Variants in MAP3K19 observed in about 807,000 individuals in gnomAD.
MAP3K19 encodes SPS1/STE20-related protein kinase YSK4.
In MAP3K19, 91 loss-of-function variants were observed where a neutral mutation model predicts 114.4. The observed-to-expected ratio is 0.80, with a 90% CI of 0.67 to 0.95. The LOEUF is 0.95. MAP3K19 is among the 40% of genes least tolerant of loss of function. The probability of loss-of-function intolerance (pLI) is 0.00; values close to 1 mark genes in which losing one functional copy is unlikely to be tolerated. For missense variants in MAP3K19, 1,471 were observed against 1,573.2 expected (o/e 0.94, Z 1.10); for synonymous variants, 518 against 530.5 (o/e 0.98, Z 0.32).
rs6719844 is a variant in MAP3K19, at chr2:134,984,755, C to A, written c.3073-930G>T. On this transcript the variant is annotated intron_variant, in intron 10 of 12. Transcript: ENST00000392915. ...ATCGCGAGGTCAGGAGTTCCAAGAC[C>A]AGCCTGGCCAAGATGGTGAAATCCC... 4.3e-3 allele frequency among the ~76,000 whole-genome samples: 656 copies of A among 152,256 alleles called. 19 individuals are homozygous for A. Among genetic ancestry groups the A allele is most frequent in the Admixed American group, 0.04 (612 of 15,302 alleles).
chr2:135,046,460 G>A (rs1214140040), intron 1 of MAP3K19, among the ~76,000 whole-genome samples: 3 of 152,098 alleles, frequency 2.0e-5, no homozygotes, highest in Non-Finnish European at 4.4e-5. Context: ...TATTTTAGTA[G>A]AGACAGGGTT....
chr2:134,976,747 TA>T (rs10717366), intron 12 of MAP3K19, among the ~76,000 whole-genome samples: 38,191 of 143,448 alleles, frequency 0.27, 5,224 homozygotes, highest in Middle Eastern at 0.6. Flanking sequence ...ATTTCAAAAG[TA>T]AAAAAAAAAA....
chr2:134,991,650 G>A (rs1044896444), intron 8 of MAP3K19, 70 bp from the exon 9 acceptor site: 36 of 1,288,086 alleles, frequency 2.8e-5, no homozygotes, highest in Admixed American at 1.0e-4. Flanking sequence ...CCAGAGTCTG[G>A]GGATGGAGTA....
intron 8 of MAP3K19, among the ~76,000 whole-genome samples, chr2:134,995,370 C>T (rs978683809): frequency 6.7e-6 from 1 of 149,690 alleles, no homozygotes; most frequent in Non-Finnish European, 1.5e-5. Flanking sequence ...ATCCAGTACA[C>T]AAGGATTCAA....
At chr2:135,012,432 G>T (rs1446742818) in intron 5 of MAP3K19, among the ~76,000 whole-genome samples, 1 of 152,126 alleles carries the variant, frequency 6.6e-6, no homozygotes, top group East Asian at 1.9e-4. Flanking sequence ...AATGCGCAAA[G>T]CTAAAATATT....
At chr2:135,035,757 T>C (rs11888698) in intron 2 of MAP3K19, among the ~76,000 whole-genome samples, 9,050 of 152,260 alleles carry the variant, frequency 0.059, 516 homozygotes, top group African/African-American at 0.15. Flanking sequence ...CCTGCCTGCA[T>C]TTCCAGCTTT....
At position 134,967,649 on chromosome 2, in the gene MAP3K19, AT is replaced by A. The variant is rs199960292; in HGVS notation, c.3921-2734del. On this transcript the variant is annotated intron_variant, in intron 12 of 12. Coordinates refer to ENST00000392915, the MANE Select transcript of MAP3K19 (RefSeq NM_025052.5). Reference sequence around the variant, plus strand: ...TGAACTTCCTTATGACTTAGATTGTATTGCTCACATGTTCGTTGCTGACTTT... The same window carrying A: ...TGAACTTCCTTATGACTTAGATTGTATGCTCACATGTTCGTTGCTGACTTT... Among the ~76,000 whole-genome samples, 1,096 of 152,276 alleles carry A rather than the reference AT, an allele frequency of 7.2e-3. 18 individuals carry two copies. The highest frequency in any genetic ancestry group is 0.025 in the African/African-American group (1,056 of 41,552).
At chr2:134,978,961 G>A (rs950002957) in intron 12 of MAP3K19, among the ~76,000 whole-genome samples, 9 of 152,136 alleles carry the variant, frequency 5.9e-5, no homozygotes, top group South Asian at 2.1e-4. Flanking sequence ...CCCAGAACTT[G>A]ATCTGTCAAT....
intron 5 of MAP3K19, among the ~76,000 whole-genome samples, chr2:135,008,632 C>T (rs1437553105): frequency 6.6e-6 from 1 of 152,088 alleles, no homozygotes; most frequent in African/African-American, 2.4e-5. Flanking sequence ...ACACACATTG[C>T]CTTAAAAGTA....
intron 12 of MAP3K19, among the ~76,000 whole-genome samples, chr2:134,972,105 C>G (rs1278843162): frequency 6.6e-6 from 1 of 152,074 alleles, no homozygotes; most frequent in Non-Finnish European, 1.5e-5. Flanking sequence ...AATCTAATTA[C>G]ACTCTTTTAA....
intron 5 of MAP3K19, among the ~76,000 whole-genome samples, chr2:135,013,514 G>T (rs959072437): frequency 4.6e-5 from 7 of 152,094 alleles, no homozygotes; most frequent in Non-Finnish European, 7.4e-5. Flanking sequence ...ATAATGACCT[G>T]TATCCACCAT....
intron 5 of MAP3K19, among the ~76,000 whole-genome samples, chr2:135,011,333 C>G (rs1488222781): frequency 6.6e-6 from 1 of 151,286 alleles, no homozygotes; most frequent in Non-Finnish European, 1.5e-5. Flanking sequence ...GTCAGGAGAT[C>G]GAGACCATCC....
intron 6 of MAP3K19, 79 bp from the exon 7 acceptor site, chr2:135,000,094 T>C: frequency 1.1e-6 from 1 of 950,914 alleles, no homozygotes; most frequent in Non-Finnish European, 1.7e-6. Flanking sequence ...TTTATTTCTG[T>C]TTGGCTAATC....
At chr2:135,006,108 A>G (rs550363984) in intron 5 of MAP3K19, among the ~76,000 whole-genome samples, 2 of 152,356 alleles carry the variant, frequency 1.3e-5, no homozygotes, top group South Asian at 2.1e-4. Flanking sequence ...AATAATCATT[A>G]TAGTTGAAAA....
chr2:134,991,429 CTGCAT>C, intron 9 of MAP3K19, 103 bp downstream of exon 9: 1 of 925,632 alleles, frequency 1.1e-6, no homozygotes, highest in South Asian at 1.3e-5. Flanking sequence ...ACCCTACCCC[CTGCAT>C]TGTTGAAGGG....
intron 11 of MAP3K19, among the ~76,000 whole-genome samples, chr2:134,981,777 C>T (rs965606115): frequency 1.3e-5 from 2 of 151,866 alleles, no homozygotes; most frequent in African/African-American, 4.8e-5. Flanking sequence ...CTGGCTTCAT[C>T]TTTCCCCAGC....
chr2:134,980,687 T>C (rs1457803005), intron 12 of MAP3K19, 134 bp downstream of exon 12: 14 of 753,024 alleles, frequency 1.9e-5, no homozygotes, highest in African/African-American at 1.8e-4. Flanking sequence ...ATGATTACTT[T>C]CGGCACAAAA....
chr2:135,008,726 TAATTA>T (rs1230680385), intron 5 of MAP3K19, among the ~76,000 whole-genome samples: 4 of 148,850 alleles, frequency 2.7e-5, no homozygotes, highest in Non-Finnish European at 6.1e-5. Flanking sequence ...CCTTTTCATT[TAATTA>T]ATTAATTAAT....
At chr2:134,996,854 G>A (rs1686028407) in intron 8 of MAP3K19, among the ~76,000 whole-genome samples, 1 of 152,224 alleles carries the variant, frequency 6.6e-6, no homozygotes, top group Admixed American at 6.5e-5. Context: ...GGGCAACATG[G>A]TGAAACCCCA....
Sources: gnomAD v4.1 joint callset for allele counts (sites outside exome capture counted in the v4.1 genomes callset) on GRCh38, gnomAD v4.1.1 for gene constraint, MANE v1.5 for transcripts, NCBI Gene and HGNC (gene_info 2026-07-23, HGNC 2026-07-21) for gene names.